PHLDB2: variants seen among roughly 807,000 people sequenced by gnomAD.
The protein encoded by PHLDB2 is pleckstrin homology like domain family B member 2, also known as pleckstrin homology-like domain family B member 2.
PHLDB2 carries 71 observed loss-of-function variants against 123.6 expected under a neutral mutation model. That is an observed-to-expected ratio of 0.57 (90% CI 0.47 to 0.70). The LOEUF (loss-of-function observed/expected upper bound fraction) is 0.70, where lower values mean the gene tolerates loss of function less well. PHLDB2 is among the 30% of genes least tolerant of loss of function. The probability of loss-of-function intolerance (pLI) is 0.00; values close to 1 mark genes in which losing one functional copy is unlikely to be tolerated. For missense variants in PHLDB2, 1,446 were observed against 1,519.5 expected (o/e 0.95, Z 0.80); for synonymous variants, 547 against 541.6 (o/e 1.01, Z -0.14).
At chr3:111,836,524 A>T (rs2063405129) in intron 1 of PHLDB2, among the ~76,000 whole-genome samples, 1 of 152,150 alleles carries the variant, frequency 6.6e-6, no homozygotes, top group African/African-American at 2.4e-5. Flanking sequence ...AGCATTAGGG[A>T]CAGGGCTTAG....
At chr3:111,857,460 A>AAAAAAAAAAAG (rs71131985), upstream of PHLDB2, among the ~76,000 whole-genome samples, 6 of 81,040 alleles carry the variant, frequency 7.4e-5, no homozygotes, top group Non-Finnish European at 5.5e-5. Flanking sequence ...CAAAAAAAAA[A>AAAAAAAAAAAG]AAAAGAAAAG....
chr3:111,940,664 G>A lies in PHLDB2; in HGVS notation c.2397+19G>A, dbSNP rs1438863166. 2.8e-6 allele frequency: 4 copies of A among 1,442,974 alleles called. No individual in the cohort carries two copies. The highest frequency in any genetic ancestry group is 3.8e-6 in the Non-Finnish European group (4 of 1,053,678). 89.4% of individuals were successfully genotyped at this position (1,442,974 alleles called of 1,614,324 possible). ...GCAAAGAGTAAGTATTTCCTTTTCA[G>A]CACTGGCTACAGTAAAACATAGGTT... On this transcript the variant is annotated intron_variant, in intron 8 of 17. Transcript: ENST00000431670.
At chr3:111,776,806 A>G (rs940847984) in intron 1 of PHLDB2, among the ~76,000 whole-genome samples, 1 of 152,154 alleles carries the variant, frequency 6.6e-6, no homozygotes, top group African/African-American at 2.4e-5. Flanking sequence ...GGTATTTATT[A>G]TGCTTTCTCC....
chr3:111,793,345 C>G (rs909017532), intron 1 of PHLDB2, among the ~76,000 whole-genome samples: 1 of 152,100 alleles, frequency 6.6e-6, no homozygotes, highest in Non-Finnish European at 1.5e-5. Context: ...TACTGCTTGG[C>G]TACTACTGAT....
rs151022032 is a variant in PHLDB2, at chr3:111,797,686, C to T, written c.-48-48135C>T. On this transcript the variant is annotated intron_variant, in intron 1 of 17. Coordinates refer to the PHLDB2 transcript ENST00000393923. ...ATATGTTTACAAGCAACTTTCACAA[C>T]CCTTCTCCACCATCACTCCCACTTT... 1.9e-3 allele frequency among the ~76,000 whole-genome samples: 291 copies of T among 152,342 alleles called. 1 individual carries two copies. Among genetic ancestry groups the T allele is most frequent in the African/African-American group, 6.7e-3 (279 of 41,570 alleles).
chr3:111,765,566 G>A (rs1022897238), intron 1 of PHLDB2, among the ~76,000 whole-genome samples: 2 of 152,160 alleles, frequency 1.3e-5, no homozygotes, highest in African/African-American at 2.4e-5. Flanking sequence ...GACTTAAAAC[G>A]GAGAGAGAAA....
chr3:111,771,815 G>T (rs994669149), intron 1 of PHLDB2, among the ~76,000 whole-genome samples: 1 of 152,150 alleles, frequency 6.6e-6, no homozygotes. Flanking sequence ...GGTACTGGAG[G>T]TTAGGACTTC....
chr3:111,967,896 G>A, intron 15 of PHLDB2, 72 bp downstream of exon 15: 2 of 1,351,278 alleles, frequency 1.5e-6, no homozygotes, highest in Non-Finnish European at 2.0e-6. Context: ...CAGCTGTTCT[G>A]TGTCTGAGGA....
intron 2 of PHLDB2, among the ~76,000 whole-genome samples, chr3:111,853,765 C>T (rs1257315049): frequency 1.3e-5 from 2 of 152,108 alleles, no homozygotes; most frequent in Non-Finnish European, 2.9e-5. Context: ...ATCCCAGCTA[C>T]TCCAGAGGCT....
chr3:111,931,995 T>G (rs1301124377), intron 5 of PHLDB2, among the ~76,000 whole-genome samples: 1 of 152,168 alleles, frequency 6.6e-6, no homozygotes, highest in Non-Finnish European at 1.5e-5. Context: ...TTCCCCTGCT[T>G]TTGTAACATG....
At chr3:111,752,230 G>GTGTGTGTGTT (rs1238432347) in intron 1 of PHLDB2, among the ~76,000 whole-genome samples, 31 of 143,164 alleles carry the variant, frequency 2.2e-4, no homozygotes, top group African/African-American at 7.8e-4. Context: ...GTGTGTGTGT[G>GTGTGTGTGTT]TGTGTGTGTG....
At chr3:111,958,108 A>G (rs751978217) in intron 12 of PHLDB2, 3 of 184,410 alleles carry the variant, frequency 1.6e-5, no homozygotes, top group Non-Finnish European at 3.1e-5. Context: ...TTAATTTGCT[A>G]TTGTAACTAA....
At chr3:111,860,506 C>T (rs977610028) in intron 1 of PHLDB2, among the ~76,000 whole-genome samples, 1 of 152,182 alleles carries the variant, frequency 6.6e-6, no homozygotes, top group East Asian at 1.9e-4. Flanking sequence ...AATAACTTAG[C>T]CCTAGCAGTC....
intron 1 of PHLDB2, among the ~76,000 whole-genome samples, chr3:111,776,380 T>G (rs2060268497): frequency 6.6e-6 from 1 of 152,114 alleles, no homozygotes. Context: ...CCCTTTCTAT[T>G]AATGTAACCT....
chr3:111,748,368 A>C (rs573064364), intron 1 of PHLDB2, among the ~76,000 whole-genome samples: 2 of 152,254 alleles, frequency 1.3e-5, no homozygotes, highest in South Asian at 2.1e-4. Context: ...CCGGGGAAGG[A>C]AATGTCTAAC....
chr3:111,958,356 G>A, intron 12 of PHLDB2: 1 of 945,630 alleles, frequency 1.1e-6, no homozygotes, highest in Non-Finnish European at 1.3e-6. Flanking sequence ...TTAACCCCAG[G>A]TTATACTTTA....
At chr3:111,864,094 C>G (rs2064957126) in intron 1 of PHLDB2, among the ~76,000 whole-genome samples, 1 of 152,254 alleles carries the variant, frequency 6.6e-6, no homozygotes, top group African/African-American at 2.4e-5. Context: ...ATTTTGACAA[C>G]TAGCCAAAGG....
intron 1 of PHLDB2, among the ~76,000 whole-genome samples, chr3:111,837,431 T>A (rs1466937185): frequency 2.5e-4 from 38 of 152,260 alleles, no homozygotes; most frequent in Non-Finnish European, 8.8e-5. Context: ...TCTCTCAAAG[T>A]CGTGCTCTTT....
Position 111,945,249 on chromosome 3 carries a change from A to G in PHLDB2, c.2398-19A>G, listed in dbSNP as rs1420526506. 1 of 1,545,788 alleles carries G rather than the reference A, an allele frequency of 6.5e-7. No individual in the cohort carries two copies. Among genetic ancestry groups the G allele is most frequent in the Non-Finnish European group, 8.9e-7 (1 of 1,123,900 alleles). On this transcript the variant is annotated intron_variant, in intron 8 of 17. Coordinates refer to ENST00000431670, the MANE Select transcript of PHLDB2 (RefSeq NM_001134438.2). ...TCGAAGGTTGACTTTTAAGTTTAAT[A>G]GGTTTTGTATTCCTTCAGGAAAAGG...
Sources: gnomAD v4.1 joint callset for allele counts (sites outside exome capture counted in the v4.1 genomes callset) on GRCh38, gnomAD v4.1.1 for gene constraint, MANE v1.5 for transcripts, NCBI Gene and HGNC (gene_info 2026-07-23, HGNC 2026-07-21) for gene names.